The following RARB variants were observed in gnomAD, a reference collection of about 807,000 sequenced individuals.
RARB encodes the protein HBV-activated protein.
RARB carries 17 observed loss-of-function variants against 51.9 expected under a neutral mutation model. That is an observed-to-expected ratio of 0.33 (90% CI 0.22 to 0.49). The LOEUF (loss-of-function observed/expected upper bound fraction) is 0.49. Among genes scored for constraint, RARB ranks in the 20% least tolerant of loss-of-function variants. The probability of loss-of-function intolerance (pLI) is 0.99; values close to 1 mark genes in which losing one functional copy is unlikely to be tolerated. For synonymous variants in RARB, 215 were observed against 195.4 expected (o/e 1.10, Z -0.84); for missense variants, 369 against 550.8 (o/e 0.67, Z 3.30).
intron 2 of RARB, among the ~76,000 whole-genome samples, chr3:24,995,269 TTA>T (rs527716157): frequency 6.3e-4 from 96 of 152,172 alleles, no homozygotes; most frequent in Non-Finnish European, 1.1e-3. Context: ...ATTGCCTTTT[TTA>T]TGTCTTTTTT....
Position 24,984,872 on chromosome 3 carries a change from G to GT in RARB, c.-379-75252dup, listed in dbSNP as rs1696754153. Among the ~76,000 whole-genome samples, 7 of 152,144 alleles carry GT rather than the reference G, an allele frequency of 4.6e-5. No individual in the cohort carries two copies. The South Asian group carries it at 1.4e-3, about 31-fold the overall frequency. On this transcript the variant is annotated intron_variant, in intron 2 of 11. Transcript: ENST00000383772. The stretch of plus-strand genomic sequence containing the variant: ...ATAACATCTTTAGCTCAGTGAAAAC[G>GT]TAAGTTCCAAAAGCAATAGCCTGCA...
intron 2 of RARB, among the ~76,000 whole-genome samples, chr3:24,933,489 T>C (rs1695484681): frequency 6.6e-6 from 1 of 152,118 alleles, no homozygotes; most frequent in Non-Finnish European, 1.5e-5. Context: ...TGTCAGGTTC[T>C]TTAGTGACTC....
intron 3 of RARB, among the ~76,000 whole-genome samples, chr3:25,096,104 T>G (rs1699287978): frequency 6.6e-6 from 1 of 152,236 alleles, no homozygotes; most frequent in Non-Finnish European, 1.5e-5. Context: ...TAACTCAGTA[T>G]ATTAACCAAT....
chr3:24,974,939 T>G (rs182391457), intron 2 of RARB, among the ~76,000 whole-genome samples: 30 of 152,238 alleles, frequency 2.0e-4, no homozygotes, highest in African/African-American at 6.5e-4. Flanking sequence ...TTGTTTAGCT[T>G]TTAGAGCCAC....
At chr3:24,928,934 T>C (rs1187209281) in intron 2 of RARB, among the ~76,000 whole-genome samples, 1 of 152,002 alleles carries the variant, frequency 6.6e-6, no homozygotes, top group African/African-American at 2.4e-5. Flanking sequence ...TACCAAACTT[T>C]GAAACAGAAA....
In RARB at chr3:25,443,835, A is replaced by G. The variant is rs1342009021; in HGVS notation, c.157+14947A>G. Among the ~76,000 whole-genome samples, 5 of 150,828 alleles carry G rather than the reference A, an allele frequency of 3.3e-5. No homozygotes were observed. The East Asian group carries it at 9.9e-4, about 30-fold the overall frequency. ...AATCCCAGCTACTCGGGAGGCTGAG[A>G]CAGGAGAATCACTTGAACCCGGGAG... On this transcript the variant is annotated intron_variant, in intron 1 of 7. Coordinates refer to ENST00000330688, the MANE Select transcript of RARB (RefSeq NM_000965.5).
chr3:25,584,128 T>C (rs1701291476), intron 5 of RARB, among the ~76,000 whole-genome samples: 1 of 152,220 alleles, frequency 6.6e-6, no homozygotes, highest in Non-Finnish European at 1.5e-5. Context: ...TCGGTTTCTC[T>C]GCCTCTTCTC....
intron 3 of RARB, among the ~76,000 whole-genome samples, chr3:25,563,947 CTTTT>C (rs58611383): frequency 3.5e-4 from 48 of 137,002 alleles, no homozygotes; most frequent in African/African-American, 1.3e-3. Flanking sequence ...TTGTATTTTC[CTTTT>C]TTTTTTTTTT....
chr3:25,418,190 A>G (rs749769686), intron 5 of RARB, among the ~76,000 whole-genome samples: 7 of 152,226 alleles, frequency 4.6e-5, no homozygotes, highest in Non-Finnish European at 8.8e-5. Context: ...ATGCTCAGCT[A>G]GAAACCTATT....
At chr3:25,042,017 C>T (rs754425954) in intron 2 of RARB, among the ~76,000 whole-genome samples, 10 of 152,004 alleles carry the variant, frequency 6.6e-5, no homozygotes, top group Non-Finnish European at 1.0e-4. Flanking sequence ...GTCCCCTGGC[C>T]CCAGGTGTAA....
chr3:24,855,996 C>T (rs181124005), intron 1 of RARB, among the ~76,000 whole-genome samples: 186 of 152,106 alleles, frequency 1.2e-3, no homozygotes, highest in Non-Finnish European at 2.0e-3. Flanking sequence ...GTGATCCGCC[C>T]GCCTCGGCCT....
intron 5 of RARB, among the ~76,000 whole-genome samples, chr3:25,285,675 A>T (rs555856936): frequency 3.2e-4 from 49 of 152,182 alleles, no homozygotes; most frequent in Non-Finnish European, 6.5e-4. Flanking sequence ...AAATAGACAG[A>T]CTGGGTAACG....
At chr3:24,892,723 G>T (rs1484342269) in intron 2 of RARB, among the ~76,000 whole-genome samples, 4 of 152,164 alleles carry the variant, frequency 2.6e-5, no homozygotes, top group African/African-American at 7.2e-5. Flanking sequence ...GTAAGAGTCA[G>T]TCATTACCAC....
At chr3:24,949,689 C>T (rs1178658394) in intron 2 of RARB, among the ~76,000 whole-genome samples, 1 of 152,184 alleles carries the variant, frequency 6.6e-6, no homozygotes, top group Admixed American at 6.5e-5. Context: ...ATCTAAAATG[C>T]ATTCAGATCT....
chr3:25,097,010 T>C (rs970461966), intron 3 of RARB, among the ~76,000 whole-genome samples: 6 of 152,290 alleles, frequency 3.9e-5, no homozygotes, highest in Admixed American at 3.3e-4. Flanking sequence ...AAAAGAGGTA[T>C]CTTCACCACC....
chr3:25,426,321 A>T (rs1479121849), upstream of RARB, among the ~76,000 whole-genome samples: 1 of 152,264 alleles, frequency 6.6e-6, no homozygotes, highest in Non-Finnish European at 1.5e-5. Context: ...AAAATAACAA[A>T]CACAGATTCA....
chr3:25,072,683 A>G (rs1303921128), intron 3 of RARB, among the ~76,000 whole-genome samples: 1 of 151,774 alleles, frequency 6.6e-6, no homozygotes, highest in African/African-American at 2.4e-5. Context: ...GCTTCTATCT[A>G]CCTACAAGGA....
At chr3:25,000,390 A>C (rs1317326288) in intron 2 of RARB, among the ~76,000 whole-genome samples, 1 of 152,120 alleles carries the variant, frequency 6.6e-6, no homozygotes, top group East Asian at 1.9e-4. Context: ...TAAATCACTT[A>C]TGGGGCCACA....
chr3:25,196,496 G>A (rs1471205552), intron 5 of RARB, among the ~76,000 whole-genome samples: 1 of 152,084 alleles, frequency 6.6e-6, no homozygotes, highest in African/African-American at 2.4e-5. Context: ...TTGGTTCCAA[G>A]TCTTTGCTAT....
Sources: gnomAD v4.1 joint callset for allele counts (sites outside exome capture counted in the v4.1 genomes callset) on GRCh38, gnomAD v4.1.1 for gene constraint, MANE v1.5 for transcripts, NCBI Gene and HGNC (gene_info 2026-07-23, HGNC 2026-07-21) for gene names.